Variants in NCOA1 observed in about 807,000 individuals in gnomAD.
NCOA1 encodes nuclear receptor coactivator 1, also known as Hin-2 protein.
A neutral mutation model predicts 150.9 loss-of-function variants in NCOA1; 35 were observed. That is an observed-to-expected ratio of 0.23 (90% CI 0.18 to 0.31). NCOA1 has a LOEUF of 0.31. NCOA1 is among the 10% of genes least tolerant of loss of function. NCOA1 has a pLI of 1.00. For synonymous variants in NCOA1, 590 were observed against 630.0 expected (o/e 0.94, Z 0.95); for missense variants, 1,491 against 1,749.3 (o/e 0.85, Z 2.63).
intron 1 of NCOA1, among the ~76,000 whole-genome samples, chr2:24,522,175 C>G (rs1441107725): frequency 6.6e-6 from 1 of 152,162 alleles, no homozygotes; most frequent in Non-Finnish European, 1.5e-5. Flanking sequence ...TGGACTGACT[C>G]ATTTTCTCTT....
At chr2:24,535,679 G>C (rs925816337) in intron 1 of NCOA1, among the ~76,000 whole-genome samples, 1 of 152,070 alleles carries the variant, frequency 6.6e-6, no homozygotes, top group Non-Finnish European at 1.5e-5. Flanking sequence ...TGCTTGTCTG[G>C]AAAGAATTTT....
chr2:24,553,779 G>T (rs1665962878), intron 1 of NCOA1, among the ~76,000 whole-genome samples: 1 of 152,106 alleles, frequency 6.6e-6, no homozygotes, highest in Non-Finnish European at 1.5e-5. Flanking sequence ...TTGTATTAGG[G>T]TCAATACTAT....
At chr2:24,701,832 G>A (rs531120074) in intron 11 of NCOA1, among the ~76,000 whole-genome samples, 25 of 152,274 alleles carry the variant, frequency 1.6e-4, no homozygotes, top group African/African-American at 4.6e-4. Context: ...CCAACATGGC[G>A]AAACCCTGTC....
intron 10 of NCOA1, 75 bp from the exon 11 acceptor site, chr2:24,697,583 C>T: frequency 1.6e-6 from 2 of 1,258,192 alleles, no homozygotes; most frequent in Non-Finnish European, 1.1e-6. Flanking sequence ...TTCTTAGATG[C>T]AGTTGTTAGT....
intron 7 of NCOA1, among the ~76,000 whole-genome samples, chr2:24,674,660 T>C (rs1671827428): frequency 6.6e-6 from 1 of 152,192 alleles, no homozygotes; most frequent in African/African-American, 2.4e-5. Context: ...ACACTGGATA[T>C]CTACATCATG....
chr2:24,729,672 A>G lies in NCOA1; in HGVS notation c.3058A>G (p.Thr1020Ala). Residue 1020 changes from threonine (T) to alanine (A), a missense_variant, in exon 17 of 23, where the codon ACG (threonine) becomes GCG (alanine). This residue lies in a region of NCOA1 where 485 missense variants were observed against 522.8 expected (regional missense o/e 0.93). Coordinates refer to ENST00000348332, the MANE Select transcript of NCOA1 (RefSeq NM_003743.5). The part of the protein sequence containing the change: ...GMVRQKPSLG[T>A]MPVQVTPPRG... The stretch of plus-strand genomic sequence containing the variant: ...GGTCAGGCAAAAACCTTCACTGGGG[A>G]CGATGCCTGTTCAAGTAACACCTCC... The G allele has an allele frequency of 6.2e-7, 1 of 1,614,140 alleles. No individual in the cohort carries two copies. Among genetic ancestry groups the G allele is most frequent in the Non-Finnish European group, 8.5e-7 (1 of 1,180,018 alleles).
chr2:24,672,424 T>C (rs1282399973), intron 6 of NCOA1, among the ~76,000 whole-genome samples: 2 of 152,196 alleles, frequency 1.3e-5, no homozygotes, highest in African/African-American at 2.4e-5. Context: ...AGACATGGTC[T>C]CATCCTGACA....
intron 2 of NCOA1, among the ~76,000 whole-genome samples, chr2:24,565,627 G>A (rs2148264845): frequency 6.6e-6 from 1 of 152,324 alleles, no homozygotes; most frequent in Admixed American, 6.5e-5. Flanking sequence ...GCCTTTGCCT[G>A]AGTTTTGCTT....
chr2:24,680,123 A>C (rs1189902969), intron 7 of NCOA1, among the ~76,000 whole-genome samples: 2 of 152,196 alleles, frequency 1.3e-5, no homozygotes, highest in Non-Finnish European at 2.9e-5. Flanking sequence ...ATGGGAGTGC[A>C]GACATCTCTT....
intron 1 of NCOA1, among the ~76,000 whole-genome samples, chr2:24,513,048 T>TA (rs1217236100): frequency 6.6e-6 from 1 of 152,206 alleles, no homozygotes; most frequent in Non-Finnish European, 1.5e-5. Flanking sequence ...TTGCTGGCCT[T>TA]ACTTAGTCAG....
rs774029784 is a variant in NCOA1 at position 24,726,579 on chromosome 2, C to T, written c.2600-10C>T. The stretch of plus-strand genomic sequence containing the variant: ...AGATAATGACTTCTTACCTTTTCTT[C>T]TTAAATCAGGATTACCTGAGCTGGA... On this transcript the variant is annotated splice_polypyrimidine_tract_variant and intron_variant, in intron 14 of 22. Transcript: ENST00000348332. 1.3e-6 allele frequency: 2 copies of T among 1,577,960 alleles called. No homozygotes were observed. Among genetic ancestry groups the T allele is most frequent in the Middle Eastern group, 1.7e-4 (1 of 5,966 alleles).
chr2:24,595,385 A>G (rs140658751), intron 3 of NCOA1, among the ~76,000 whole-genome samples: 1 of 152,242 alleles, frequency 6.6e-6, no homozygotes, highest in East Asian at 1.9e-4. Flanking sequence ...TAAATCTGAT[A>G]TTATATATAA....
chr2:24,545,293 CA>C (rs1558782103), intron 1 of NCOA1, among the ~76,000 whole-genome samples: 1 of 152,054 alleles, frequency 6.6e-6, no homozygotes. Flanking sequence ...TGCAAAAGGA[CA>C]GGGGGTTGGT....
chr2:24,660,120 T>C (rs764199155), intron 5 of NCOA1, among the ~76,000 whole-genome samples: 6 of 152,136 alleles, frequency 3.9e-5, no homozygotes, highest in Non-Finnish European at 7.4e-5. Context: ...CACAAGTAAG[T>C]GTCCAGATGC....
At chr2:24,750,639 A>G (rs529261335) in intron 19 of NCOA1, among the ~76,000 whole-genome samples, 1 of 152,304 alleles carries the variant, frequency 6.6e-6, no homozygotes, top group East Asian at 1.9e-4. Context: ...TCTTTTAGAG[A>G]CAGAAAGTAG....
At position 24,700,614 on chromosome 2, in the gene NCOA1, A is replaced by G. The variant is rs370990437; in HGVS notation, c.949+2816A>G. On this transcript the variant is annotated intron_variant, in intron 11 of 22. Transcript: ENST00000348332. ...GGTTTTACATTGAGATTGGAGGGAAATGGGTATCAGGATCACTTGAGGAAC... is the reference window on the plus strand; with the variant it reads ...GGTTTTACATTGAGATTGGAGGGAAGTGGGTATCAGGATCACTTGAGGAAC... Among the ~76,000 whole-genome samples the G allele has an allele frequency of 2.2e-4, 33 of 152,310 alleles. No homozygotes were observed. In the South Asian group the frequency reaches 6.8e-3, roughly 32 times the overall value.
intron 6 of NCOA1, among the ~76,000 whole-genome samples, chr2:24,669,086 A>G (rs1227957693): frequency 6.6e-6 from 1 of 152,216 alleles, no homozygotes; most frequent in Non-Finnish European, 1.5e-5. Context: ...TGGTGTAAAT[A>G]AATTATTTAC....
intron 4 of NCOA1, among the ~76,000 whole-genome samples, chr2:24,652,515 G>A (rs557859743): frequency 6.6e-6 from 1 of 152,012 alleles, no homozygotes; most frequent in Non-Finnish European, 1.5e-5. Flanking sequence ...TATTAGAAAT[G>A]TTTATTAACT....
chr2:24,725,234 T>C (rs1193031641), intron 14 of NCOA1, among the ~76,000 whole-genome samples: 3 of 152,124 alleles, frequency 2.0e-5, no homozygotes, highest in Non-Finnish European at 4.4e-5. Context: ...TCCAAGGCTG[T>C]TTTAGTTTTT....
Sources: gnomAD v4.1 joint callset for allele counts (sites outside exome capture counted in the v4.1 genomes callset) on GRCh38, gnomAD v4.1.1 for gene constraint, gnomAD v4.1.1 regional missense constraint, MANE v1.5 for transcripts, NCBI Gene and HGNC (gene_info 2026-07-23, HGNC 2026-07-21) for gene names.